TTC7B: variants seen among roughly 807,000 people sequenced by gnomAD.
The protein encoded by TTC7B is tetratricopeptide repeat domain 7B.
TTC7B carries 28 observed loss-of-function variants against 106.8 expected under a neutral mutation model. The ratio of observed to expected loss-of-function variants is 0.26; its 90% CI spans 0.19 to 0.36. TTC7B has a LOEUF of 0.36. Ranked by LOEUF, TTC7B falls within the 10% of genes least tolerant of loss-of-function variation. TTC7B has a pLI of 1.00. For synonymous variants in TTC7B, 405 were observed against 430.6 expected (o/e 0.94, Z 0.74); for missense variants, 862 against 1,076.4 (o/e 0.80, Z 2.79).
intron 15 of TTC7B, among the ~76,000 whole-genome samples, chr14:90,629,480 GC>G (rs1884596075): frequency 6.6e-6 from 1 of 152,154 alleles, no homozygotes; most frequent in Non-Finnish European, 1.5e-5. Context: ...GCAGACACAA[GC>G]TTAGCTATGA....
chr14:90,676,377 G>T, intron 9 of TTC7B, 146 bp downstream of exon 9: 2 of 935,344 alleles, frequency 2.1e-6, no homozygotes, highest in Non-Finnish European at 3.2e-6. Flanking sequence ...CTACAGGGGA[G>T]AAAACCAAAG....
At chr14:90,550,897 C>G (rs1458536272) in intron 19 of TTC7B, among the ~76,000 whole-genome samples, 1 of 152,120 alleles carries the variant, frequency 6.6e-6, no homozygotes, top group Non-Finnish European at 1.5e-5. Flanking sequence ...GGCCTCAGGT[C>G]ACCCTTGTCT....
intron 5 of TTC7B, among the ~76,000 whole-genome samples, chr14:90,703,095 GTC>G (rs752785594): frequency 1.1e-4 from 16 of 152,220 alleles, no homozygotes; most frequent in Non-Finnish European, 1.9e-4. Context: ...CTGGGGAAGT[GTC>G]TGCTCCAGAC....
chr14:90,541,432 G>A lies in TTC7B; in HGVS notation c.2468C>T (p.Thr823Ile). ...GCTGCTGGCCTCCAGCTCCAAGGCT[G>A]TCAGGAAGCACTCCGTAGCCGCCGC... ...NDAAATECFL[T>I]ALELEASSPA... Residue 823 changes from threonine to isoleucine, a missense_variant, in exon 20 of 20, where the codon ACA becomes ATA. By Grantham distance (89) the Thr-to-Ile change is moderately conservative. Coordinates refer to ENST00000328459, the MANE Select transcript of TTC7B (RefSeq NM_001010854.2). The A allele has an allele frequency of 6.2e-7, 1 of 1,613,214 alleles. No individual in the cohort carries two copies.
At chr14:90,782,211 C>A (rs1167849297) in intron 2 of TTC7B, among the ~76,000 whole-genome samples, 1 of 152,020 alleles carries the variant, frequency 6.6e-6, no homozygotes, top group Non-Finnish European at 1.5e-5. Flanking sequence ...CTGATGGGAG[C>A]AAAAGTGTTT....
chr14:90,709,478 T>C (rs1338808882), intron 5 of TTC7B, among the ~76,000 whole-genome samples: 1 of 139,172 alleles, frequency 7.2e-6, no homozygotes, highest in African/African-American at 2.7e-5. Flanking sequence ...TAGGTGGGAA[T>C]TGAACAATGA....
At chr14:90,559,382 T>A (rs936500768) in intron 19 of TTC7B, among the ~76,000 whole-genome samples, 3 of 152,248 alleles carry the variant, frequency 2.0e-5, no homozygotes, top group Non-Finnish European at 2.9e-5. Flanking sequence ...CAGTGGCGGT[T>A]CTGTGCCCAG....
At chr14:90,680,156 C>T (rs1180570418) in intron 8 of TTC7B, among the ~76,000 whole-genome samples, 1 of 152,212 alleles carries the variant, frequency 6.6e-6, no homozygotes, top group Non-Finnish European at 1.5e-5. Context: ...GTCATTTTAG[C>T]TGTGGTTTAC....
chr14:90,758,776 C>T (rs1223567458), intron 3 of TTC7B, among the ~76,000 whole-genome samples: 2 of 152,188 alleles, frequency 1.3e-5, no homozygotes, highest in Non-Finnish European at 2.9e-5. Flanking sequence ...GAATCTGCAC[C>T]TGGGAGCCCC....
Position 90,786,938 on chromosome 14 carries a change from G to A in TTC7B, c.122-610C>T, listed in dbSNP as rs967641538. Reference sequence around the variant, plus strand: ...CAAGTTCAGTAGGAAAAAAACAAAGGTGGCTTATGATGTGTTCATTATGAT... The same window carrying A: ...CAAGTTCAGTAGGAAAAAAACAAAGATGGCTTATGATGTGTTCATTATGAT... On this transcript the variant is annotated intron_variant, in intron 1 of 19. Coordinates refer to ENST00000328459, the MANE Select transcript of TTC7B (RefSeq NM_001010854.2). Among the ~76,000 whole-genome samples, 9 of 152,228 alleles carry A rather than the reference G, an allele frequency of 5.9e-5. No homozygotes were observed. In the South Asian group the frequency reaches 1.5e-3, roughly 25 times the overall value.
At chr14:90,799,121 C>T (rs528172257) in intron 1 of TTC7B, among the ~76,000 whole-genome samples, 2 of 152,150 alleles carry the variant, frequency 1.3e-5, no homozygotes, top group Admixed American at 6.6e-5. Flanking sequence ...CAGCCTCACG[C>T]ACCCGTGCTC....
At chr14:90,592,761 G>A (rs1203492694) in intron 18 of TTC7B, among the ~76,000 whole-genome samples, 1 of 151,854 alleles carries the variant, frequency 6.6e-6, no homozygotes, top group African/African-American at 2.4e-5. Context: ...TTTTAGTGGT[G>A]CAGAAGCATC....
At chr14:90,638,570 A>G (rs1415867541) in intron 15 of TTC7B, among the ~76,000 whole-genome samples, 4 of 152,234 alleles carry the variant, frequency 2.6e-5, no homozygotes, top group Non-Finnish European at 1.5e-5. Context: ...AATTATAAAA[A>G]CATCCAAAAA....
chr14:90,747,900 T>C (rs1890019248), intron 3 of TTC7B, among the ~76,000 whole-genome samples: 1 of 152,258 alleles, frequency 6.6e-6, no homozygotes, highest in Admixed American at 6.5e-5. Context: ...TTAATATAGA[T>C]ACTACAGCCT....
chr14:90,796,540 T>C (rs756929598), intron 1 of TTC7B, among the ~76,000 whole-genome samples: 1 of 152,192 alleles, frequency 6.6e-6, no homozygotes, highest in Non-Finnish European at 1.5e-5. Flanking sequence ...CTGTGGCCTT[T>C]GCCTCTGGAA....
At chr14:90,557,510 T>C (rs146049061) in intron 19 of TTC7B, among the ~76,000 whole-genome samples, 100 of 152,380 alleles carry the variant, frequency 6.6e-4, no homozygotes, top group African/African-American at 2.4e-3. Flanking sequence ...GCACCTACTA[T>C]ATCCTTAGTG....
At chr14:90,816,125 C>G (rs762001954) in intron 1 of TTC7B, 50 bp downstream of exon 1, 2 of 1,041,726 alleles carry the variant, frequency 1.9e-6, no homozygotes, top group South Asian at 5.9e-5. Context: ...CCCGTTCCCG[C>G]GGAGGCCGCG....
At chr14:90,553,434 C>T (rs1013851137) in intron 19 of TTC7B, among the ~76,000 whole-genome samples, 11 of 152,222 alleles carry the variant, frequency 7.2e-5, no homozygotes, top group African/African-American at 2.7e-4. Context: ...GCCTGGGCCT[C>T]GGCTCTCCGA....
intron 9 of TTC7B, among the ~76,000 whole-genome samples, chr14:90,667,062 T>G (rs531884693): frequency 6.6e-6 from 1 of 152,346 alleles, no homozygotes; most frequent in Non-Finnish European, 1.5e-5. Flanking sequence ...GCCTCTCACC[T>G]TTTGGTCTTT....
Sources: gnomAD v4.1 joint callset for allele counts (sites outside exome capture counted in the v4.1 genomes callset) on GRCh38, gnomAD v4.1.1 for gene constraint, MANE v1.5 for transcripts, NCBI Gene and HGNC (gene_info 2026-07-23, HGNC 2026-07-21) for gene names.